ZNF407: variants seen among roughly 807,000 people sequenced by gnomAD.
The protein encoded by ZNF407 is zinc finger protein 407.
A neutral mutation model predicts 131.2 loss-of-function variants in ZNF407; 17 were observed. The observed-to-expected ratio is 0.13, with a 90% CI of 0.09 to 0.19. The LOEUF is 0.19. Ranked by LOEUF, ZNF407 falls within the 10% of genes least tolerant of loss-of-function variation. The pLI is 1.00. For synonymous variants in ZNF407, 1,156 were observed against 1,062.0 expected (o/e 1.09, Z -1.72); for missense variants, 2,681 against 2,830.6 (o/e 0.95, Z 1.20).
intron 3 of ZNF407, among the ~76,000 whole-genome samples, chr18:74,761,276 G>A (rs1188781818): frequency 2.0e-5 from 3 of 152,132 alleles, no homozygotes; most frequent in Non-Finnish European, 4.4e-5. Context: ...GTTATTGTCA[G>A]TTTGATAGGG....
At chr18:74,616,242 G>A (rs1316696927) in intron 1 of ZNF407, among the ~76,000 whole-genome samples, 3 of 152,186 alleles carry the variant, frequency 2.0e-5, no homozygotes, top group Non-Finnish European at 4.4e-5. Flanking sequence ...ACAGTGGACA[G>A]GAATTGACAG....
chr18:75,057,022 A>G lies in ZNF407; in HGVS notation c.5429-6128A>G, dbSNP rs936809361. Among the ~76,000 whole-genome samples the G allele has an allele frequency of 4.1e-4, 62 of 152,238 alleles. 1 individual carries two copies. Among genetic ancestry groups the G allele is most frequent in the African/African-American group, 1.4e-3 (59 of 41,468 alleles). On this transcript the variant is annotated intron_variant, in intron 8 of 8. Transcript: ENST00000299687. ...AATTATATGTGGCTTAAGAATTGCA[A>G]TGTCATGTGTGTCCCAAATTTTTAT...
chr18:74,662,296 C>T (rs898735230), intron 3 of ZNF407, among the ~76,000 whole-genome samples: 4 of 152,008 alleles, frequency 2.6e-5, no homozygotes, highest in Non-Finnish European at 5.9e-5. Flanking sequence ...TGATATGATC[C>T]ATAAGACTAG....
chr18:74,752,180 C>A (rs188837532), intron 3 of ZNF407, among the ~76,000 whole-genome samples: 1 of 151,816 alleles, frequency 6.6e-6, no homozygotes, highest in Non-Finnish European at 1.5e-5. Context: ...TTTTTTGAGA[C>A]GTTTCTCTTC....
At chr18:74,952,567 C>G (rs979154626) in intron 8 of ZNF407, among the ~76,000 whole-genome samples, 2 of 152,054 alleles carry the variant, frequency 1.3e-5, no homozygotes, top group African/African-American at 4.8e-5. Flanking sequence ...GGAAAAGAGG[C>G]AGAAAGAGGA....
intron 3 of ZNF407, among the ~76,000 whole-genome samples, chr18:74,643,874 TTCAGGA>T (rs1984839418): frequency 6.6e-6 from 1 of 151,980 alleles, no homozygotes; most frequent in African/African-American, 2.4e-5. Flanking sequence ...TCTTTGAATC[TTCAGGA>T]TCAGTTTTAA....
chr18:74,812,043 T>A (rs1257379383), intron 4 of ZNF407, among the ~76,000 whole-genome samples: 6 of 149,344 alleles, frequency 4.0e-5, no homozygotes, highest in Admixed American at 2.6e-4. Context: ...TAAAAAAAAA[T>A]AAATAAATTT....
chr18:74,920,356 T>C (rs1367023047), intron 7 of ZNF407, among the ~76,000 whole-genome samples, 158 bp from the exon 8 acceptor site: 2 of 152,214 alleles, frequency 1.3e-5, no homozygotes, highest in East Asian at 3.8e-4. Context: ...ACTACCAGCC[T>C]CATAAGGCTG....
At chr18:74,853,407 A>T (rs891715788) in intron 4 of ZNF407, among the ~76,000 whole-genome samples, 2 of 152,048 alleles carry the variant, frequency 1.3e-5, no homozygotes, top group African/African-American at 4.8e-5. Flanking sequence ...ATACTTTACC[A>T]CTCAGGAACA....
intron 3 of ZNF407, among the ~76,000 whole-genome samples, chr18:74,749,532 T>C (rs1011742831): frequency 3.9e-5 from 6 of 152,196 alleles, no homozygotes; most frequent in Non-Finnish European, 8.8e-5. Context: ...TAAGAATCCA[T>C]ACTGTCTTTG....
chr18:74,796,988 C>A (rs1014718217), intron 4 of ZNF407, among the ~76,000 whole-genome samples: 2 of 152,070 alleles, frequency 1.3e-5, no homozygotes, highest in African/African-American at 4.8e-5. Context: ...GATAACTGCA[C>A]CAGTTTGAAA....
intron 8 of ZNF407, among the ~76,000 whole-genome samples, chr18:75,022,158 A>G (rs1973118709): frequency 6.6e-6 from 1 of 152,198 alleles, no homozygotes; most frequent in Non-Finnish European, 1.5e-5. Flanking sequence ...CCTTTTGTCT[A>G]TCAAAGTCAC....
intron 3 of ZNF407, among the ~76,000 whole-genome samples, chr18:74,675,501 G>T (rs1036203875): frequency 6.6e-6 from 1 of 152,192 alleles, no homozygotes; most frequent in Admixed American, 6.5e-5. Flanking sequence ...AGAACACACA[G>T]AGACAGGCAT....
chr18:74,867,033 T>C (rs1180611473), intron 4 of ZNF407, among the ~76,000 whole-genome samples: 1 of 148,914 alleles, frequency 6.7e-6, no homozygotes, highest in Non-Finnish European at 1.5e-5. Context: ...TCCACCATAG[T>C]TTGAATCTTG....
intron 7 of ZNF407, among the ~76,000 whole-genome samples, chr18:74,890,909 C>A (rs961464449): frequency 6.6e-6 from 1 of 152,106 alleles, no homozygotes; most frequent in Non-Finnish European, 1.5e-5. Context: ...GGGATGACAC[C>A]GTGTAGAATG....
At chr18:74,997,197 A>T (rs886358012) in intron 8 of ZNF407, among the ~76,000 whole-genome samples, 2 of 152,230 alleles carry the variant, frequency 1.3e-5, no homozygotes, top group Admixed American at 1.3e-4. Context: ...GGTAAGCATT[A>T]TTACAAGCTC....
Position 75,064,016 on chromosome 18 carries a change from A to G in ZNF407, c.6295A>G (p.Lys2099Glu). ...CACGGCCGCGGCCGGCCAGTTGGTC[A>G]AGGACGGTGTCACCCAGGTGGTGGT... ...CDTAAAGQLV[K>E]DGVTQVVVSE... Residue 2099 changes from lysine (K) to glutamate (E), a missense_variant, in exon 9 of 9, where the codon AAG becomes GAG. Physicochemically the swap from Lys to Glu is moderately conservative, Grantham distance 56. Transcript: ENST00000299687. 6.2e-7 allele frequency: 1 copy of G among 1,607,432 alleles called. No individual in the cohort carries two copies. The highest frequency in any genetic ancestry group is 8.5e-7 in the Non-Finnish European group (1 of 1,177,336).
chr18:74,677,703 T>C (rs935036341), intron 3 of ZNF407, among the ~76,000 whole-genome samples: 3 of 152,222 alleles, frequency 2.0e-5, no homozygotes, highest in Non-Finnish European at 4.4e-5. Context: ...TTGAACTTTT[T>C]TAAAATTGTT....
intron 8 of ZNF407, among the ~76,000 whole-genome samples, chr18:75,057,920 G>A (rs1159934981): frequency 2.0e-5 from 3 of 151,842 alleles, no homozygotes; most frequent in Non-Finnish European, 2.9e-5. Flanking sequence ...TTTTTCATTC[G>A]GGTTTACTGC....
Sources: gnomAD v4.1 joint callset for allele counts (sites outside exome capture counted in the v4.1 genomes callset) on GRCh38, gnomAD v4.1.1 for gene constraint, MANE v1.5 for transcripts, NCBI Gene and HGNC (gene_info 2026-07-23, HGNC 2026-07-21) for gene names.